Variants in PCDHA9 observed in about 807,000 individuals in gnomAD.
PCDHA9 encodes protocadherin alpha 9.
In PCDHA9, 62 loss-of-function variants were observed where a neutral mutation model predicts 62.0. The ratio of observed to expected loss-of-function variants is 1.00; its 90% CI spans 0.81 to 1.23. The LOEUF is 1.23. Among genes scored for constraint, PCDHA9 ranks in the 50% most tolerant of loss-of-function variants. PCDHA9 has a pLI of 0.00. For synonymous variants in PCDHA9, 557 were observed against 567.6 expected, an observed-to-expected ratio of 0.98 and a Z score of 0.27; for missense variants, 1,205 against 1,249.8, an observed-to-expected ratio of 0.96 and a Z score of 0.54.
chr5:140,862,756 G>C (rs1027587772), intron 1 of PCDHA9: 46 of 577,592 alleles, frequency 8.0e-5, no homozygotes, highest in Non-Finnish European at 1.4e-4. Context: ...CGCGGAGAGC[G>C]GCAAGAGGTA....
intron 1 of PCDHA9, chr5:140,867,841 C>T (rs1554161566): frequency 1.3e-5 from 2 of 151,958 alleles, no homozygotes; most frequent in African/African-American, 4.8e-5. Flanking sequence ...GGTAATTTAC[C>T]ATTTAGTTGA....
intron 1 of PCDHA9, among the ~76,000 whole-genome samples, chr5:140,923,645 C>T (rs939799750): frequency 1.1e-4 from 17 of 152,126 alleles, no homozygotes; most frequent in African/African-American, 4.1e-4. Context: ...AATCTTTAGC[C>T]TCCCTTATCT....
intron 1 of PCDHA9, chr5:140,862,831 G>C (rs782083560): frequency 1.0e-5 from 6 of 572,658 alleles, no homozygotes; most frequent in African/African-American, 7.9e-5. Flanking sequence ...AGCGCGCGAC[G>C]CGGGCATGCC....
intron 1 of PCDHA9, among the ~76,000 whole-genome samples, chr5:140,887,136 G>A (rs1460345753): frequency 2.2e-4 from 33 of 148,834 alleles, no homozygotes; most frequent in Middle Eastern, 3.2e-3. Context: ...TCACTCTGTC[G>A]CCCAGGCTGG....
Position 140,850,196 on chromosome 5 carries a change from A to C in PCDHA9, c.1701A>C (p.Thr567=), listed in dbSNP as rs1367952118. 5 of 1,592,830 alleles carry C rather than the reference A, an allele frequency of 3.1e-6. No homozygotes were observed. The Admixed American group carries it at 8.4e-5, about 27-fold the overall frequency. The change falls in exon 1 of 4, where the codon ACA becomes ACC. Residue 567 remains threonine (T), a synonymous_variant. Transcript: ENST00000532602. ...DENDNAPALL[T]PRMRGTDGAV... is the part of the protein sequence containing the mutation. ...ACGACAATGCGCCGGCGCTGCTGAC[A>C]CCTCGGATGAGGGGCACTGACGGCG...
At chr5:140,941,255 C>CTTTCTTTCTTTCTCTT (rs782490896) in intron 1 of PCDHA9, among the ~76,000 whole-genome samples, 1 of 44,508 alleles carries the variant, frequency 2.2e-5, no homozygotes, top group East Asian at 7.5e-4. Context: ...TTCTTTCTTT[C>CTTTCTTTCTTTCTCTT]TCTTTCTTTC....
At position 140,884,782 on chromosome 5, in the gene PCDHA9, A is replaced by T. The variant is rs2060354278; in HGVS notation, c.2394+33893A>T. ...TCTTTACTTTAATTTTAATTTTGCTAGTTGTTATCGAATTTAACAACTCTG... is the reference window on the plus strand; with the variant it reads ...TCTTTACTTTAATTTTAATTTTGCTTGTTGTTATCGAATTTAACAACTCTG... On this transcript the variant is annotated intron_variant, in intron 1 of 3. Coordinates refer to ENST00000532602, the MANE Select transcript of PCDHA9 (RefSeq NM_031857.2). 8 of 1,395,472 alleles carry T rather than the reference A, an allele frequency of 5.7e-6. 1 individual carries two copies. The highest frequency in any genetic ancestry group is 3.3e-5 in the South Asian group (2 of 60,762). 86.4% of individuals were successfully genotyped at this position (1,395,472 alleles called of 1,614,324 possible). A position where few individuals can be genotyped will look rare whatever the true frequency, so the allele number is the denominator to read the frequency against.
Position 140,848,772 on chromosome 5 carries a change from G to A in PCDHA9, c.277G>A (p.Glu93Lys), listed in dbSNP as rs2150420106. ...ILFVNSRIDREELCGRSAECS... is the reference protein window; with the variant it reads ...ILFVNSRIDRKELCGRSAECS... ...GTTTGTGAATTCTCGGATCGACCGCGAGGAGCTGTGCGGGCGGAGCGCGGA... is the reference window on the plus strand; with the variant it reads ...GTTTGTGAATTCTCGGATCGACCGCAAGGAGCTGTGCGGGCGGAGCGCGGA... Residue 93 changes from glutamate (E) to lysine (K), a missense_variant, in exon 1 of 4, where the codon GAG becomes AAG. This residue lies in a region of PCDHA9 where 208 missense variants were observed against 213.2 expected (regional missense o/e 0.98). Coordinates refer to ENST00000532602, the MANE Select transcript of PCDHA9 (RefSeq NM_031857.2). 12 of 1,593,594 alleles carry A rather than the reference G, an allele frequency of 7.5e-6. 2 individuals carry two copies. Among genetic ancestry groups the A allele is most frequent in the Non-Finnish European group, 1.0e-5 (12 of 1,164,190 alleles).
chr5:140,927,656 T>C (rs782201050), intron 1 of PCDHA9: 4 of 1,613,938 alleles, frequency 2.5e-6, no homozygotes, highest in Non-Finnish European at 3.4e-6. Flanking sequence ...TTATTCCGAG[T>C]TCAAGCCTTG....
intron 1 of PCDHA9, chr5:140,866,356 A>G (rs1554160259): frequency 6.6e-6 from 1 of 152,172 alleles, no homozygotes; most frequent in African/African-American, 2.4e-5. Flanking sequence ...AAATGTTTAC[A>G]ATATTGCATA....
intron 1 of PCDHA9, among the ~76,000 whole-genome samples, chr5:140,961,980 T>C (rs909552255): frequency 6.6e-6 from 1 of 151,768 alleles, no homozygotes; most frequent in Non-Finnish European, 1.5e-5. Context: ...GCCTCCTGGG[T>C]TCACGCCATT....
intron 1 of PCDHA9, among the ~76,000 whole-genome samples, chr5:140,971,325 T>C (rs1273585971): frequency 3.9e-5 from 6 of 152,190 alleles, no homozygotes; most frequent in African/African-American, 1.4e-4. Context: ...AGGGAGAAAA[T>C]TATTTCAGAA....
chr5:140,960,143 T>C (rs1250145398), intron 1 of PCDHA9, among the ~76,000 whole-genome samples: 1 of 152,208 alleles, frequency 6.6e-6, no homozygotes, highest in Non-Finnish European at 1.5e-5. Context: ...TAGATATTAA[T>C]AGCTTGAGAC....
chr5:140,956,953 C>G (rs1347983778), intron 1 of PCDHA9, among the ~76,000 whole-genome samples: 1 of 135,202 alleles, frequency 7.4e-6, no homozygotes, highest in Non-Finnish European at 1.7e-5. Flanking sequence ...CATTAAAACA[C>G]TGTAATTAAT....
At chr5:140,896,858 A>C (rs1448787828) in intron 1 of PCDHA9, among the ~76,000 whole-genome samples, 3 of 152,192 alleles carry the variant, frequency 2.0e-5, no homozygotes, top group Non-Finnish European at 4.4e-5. Context: ...TGGGTACATA[A>C]TAAGTGTACA....
chr5:140,962,512 AATAAT>A (rs2095688598), intron 1 of PCDHA9, among the ~76,000 whole-genome samples: 1 of 152,184 alleles, frequency 6.6e-6, no homozygotes, highest in Admixed American at 6.5e-5. Flanking sequence ...GCCAACTATC[AATAAT>A]ATATTAGTTT....
At chr5:140,992,319 T>C (rs1474763849) in intron 3 of PCDHA9, among the ~76,000 whole-genome samples, 1 of 152,174 alleles carries the variant, frequency 6.6e-6, no homozygotes, top group Admixed American at 6.6e-5. Context: ...GGGCATTCCC[T>C]TTTCTAAGAG....
At chr5:140,968,141 A>G in intron 1 of PCDHA9, 1 of 1,614,110 alleles carries the variant, frequency 6.2e-7, no homozygotes, top group Non-Finnish European at 8.5e-7. Context: ...GAAGGTTGAG[A>G]TCTCTGACAT....
At chr5:140,887,101 CTT>C (rs200717289) in intron 1 of PCDHA9, among the ~76,000 whole-genome samples, 4 of 145,262 alleles carry the variant, frequency 2.8e-5, no homozygotes, top group African/African-American at 5.0e-5. Flanking sequence ...ATCTTTATCT[CTT>C]TTTTTTTTTT....
Sources: gnomAD v4.1 joint callset for allele counts (sites outside exome capture counted in the v4.1 genomes callset) on GRCh38, gnomAD v4.1.1 for gene constraint, gnomAD v4.1.1 regional missense constraint, MANE v1.5 for transcripts, NCBI Gene and HGNC (gene_info 2026-07-23, HGNC 2026-07-21) for gene names.